ACIN1: variants seen among roughly 807,000 people sequenced by gnomAD.
The protein encoded by ACIN1 is apoptotic chromatin condensation inducer in the nucleus.
ACIN1 carries 16 observed loss-of-function variants against 146.6 expected under a neutral mutation model. The ratio of observed to expected loss-of-function variants is 0.11; its 90% CI spans 0.07 to 0.17. The LOEUF (loss-of-function observed/expected upper bound fraction) is 0.17. Ranked by LOEUF, ACIN1 falls within the 10% of genes least tolerant of loss-of-function variation. The pLI is 1.00. For synonymous variants in ACIN1, 569 were observed against 582.7 expected (o/e 0.98, Z 0.34); for missense variants, 1,357 against 1,609.3 (o/e 0.84, Z 2.68).
At chr14:23,063,372 C>T in intron 13 of ACIN1, 64 bp downstream of exon 13, 1 of 1,565,486 alleles carries the variant, frequency 6.4e-7, no homozygotes, top group East Asian at 2.3e-5. Context: ...TTTCAGCGAT[C>T]CAAATGAGGT....
chr14:23,076,054 GC>G (rs1221626539), intron 8 of ACIN1, among the ~76,000 whole-genome samples: 2 of 152,158 alleles, frequency 1.3e-5, no homozygotes, highest in African/African-American at 2.4e-5. Flanking sequence ...TTCAAAATTG[GC>G]CAGAGCTCTA....
intron 4 of ACIN1, among the ~76,000 whole-genome samples, chr14:23,088,320 A>G (rs1046094964): frequency 8.5e-5 from 13 of 152,206 alleles, no homozygotes; most frequent in African/African-American, 2.9e-4. Flanking sequence ...AAGGAACTTA[A>G]TAATTCCAAA....
At chr14:23,084,232 C>T (rs1319466463) in intron 4 of ACIN1, among the ~76,000 whole-genome samples, 1 of 152,188 alleles carries the variant, frequency 6.6e-6, no homozygotes, top group Non-Finnish European at 1.5e-5. Context: ...CAGGTGTAAG[C>T]CACCATGCCC....
Position 23,070,036 on chromosome 14 carries a change from A to G in ACIN1, c.2124-419T>C, listed in dbSNP as rs369909912. Among the ~76,000 whole-genome samples the G allele has an allele frequency of 2.0e-5, 3 of 152,174 alleles. No homozygotes were observed. The East Asian group carries it at 5.8e-4, about 29-fold the overall frequency. Reference sequence around the variant, plus strand: ...TGGCCAAAGGCACCTTTATATGGCAAAATTGCACGAGAAACGAAGGGAAGC... The same window carrying G: ...TGGCCAAAGGCACCTTTATATGGCAGAATTGCACGAGAAACGAAGGGAAGC... On this transcript the variant is annotated intron_variant, in intron 8 of 18. Transcript: ENST00000605057.
chr14:23,089,802 A>G (rs530313612), intron 4 of ACIN1, among the ~76,000 whole-genome samples, 180 bp downstream of exon 4: 4 of 152,360 alleles, frequency 2.6e-5, no homozygotes, highest in Admixed American at 2.6e-4. Flanking sequence ...AACACAATAT[A>G]TAGGTGAAAG....
In ACIN1 at chr14:23,067,237, A is replaced by G. The variant is rs1481016932; in HGVS notation, c.2266-1229T>C. On this transcript the variant is annotated intron_variant, in intron 9 of 18. Transcript: ENST00000605057. This position sits in a 1 kb window ranked among gnomAD's most constrained non-coding sequence, Gnocchi z 4.6. ...AAGATATAGAAAAAAATAAAATAAAATATTAAAAAAAGAAGAAGAAAATAA... is the reference window on the plus strand; with the variant it reads ...AAGATATAGAAAAAAATAAAATAAAGTATTAAAAAAAGAAGAAGAAAATAA... 2 of 864,028 alleles carry G rather than the reference A, an allele frequency of 2.3e-6. No individual in the cohort carries two copies. The highest frequency in any genetic ancestry group is 1.8e-5 in the African/African-American group (1 of 54,828). 53.5% of individuals were successfully genotyped at this position (864,028 alleles called of 1,614,324 possible).
At chr14:23,073,674 T>A (rs189759905) in intron 8 of ACIN1, among the ~76,000 whole-genome samples, 106 of 151,910 alleles carry the variant, frequency 7.0e-4, no homozygotes, top group East Asian at 4.5e-3. Flanking sequence ...AAGAAAAAAA[T>A]TTTTTTAATA....
At position 23,061,507 on chromosome 14, in the gene ACIN1, T is replaced by C. The variant is rs1301712336; in HGVS notation, c.3215A>G (p.His1072Arg). The C allele has an allele frequency of 1.6e-6, 2 of 1,277,312 alleles. No homozygotes were observed. Among genetic ancestry groups the C allele is most frequent in the Admixed American group, 4.3e-5 (2 of 46,816 alleles). 79.1% of individuals were successfully genotyped at this position (1,277,312 alleles called of 1,614,324 possible). ...PPPPPVQPPQ[H>R]PRAEQREQER... ...CTGCTCCCGCTGCTCTGCCCGGGGGTGCTGTGGTGGCTGGACCGGGGGTGG... is the reference window on the plus strand; with the variant it reads ...CTGCTCCCGCTGCTCTGCCCGGGGGCGCTGTGGTGGCTGGACCGGGGGTGG... Residue 1072 changes from histidine to arginine, a missense_variant, in exon 17 of 19, where the codon CAC becomes CGC. By Grantham distance (29) the His-to-Arg change is conservative (BLOSUM62 0). Coordinates refer to ENST00000605057, the MANE Select transcript of ACIN1 (RefSeq NM_001386863.1).
chr14:23,075,582 T>C (rs950000935), intron 8 of ACIN1, among the ~76,000 whole-genome samples: 3 of 148,546 alleles, frequency 2.0e-5, no homozygotes, highest in African/African-American at 7.5e-5. Flanking sequence ...CTCTTCCAAA[T>C]GGTGACAGGT....
rs2048338328 is a variant in ACIN1 at position 23,094,976 on chromosome 14, C to G, written c.137G>C (p.Gly46Ala). 1.3e-6 allele frequency: 2 copies of G among 1,598,364 alleles called. No individual in the cohort carries two copies. The highest frequency in any genetic ancestry group is 1.1e-5 in the South Asian group (1 of 90,418). Residue 46 changes from glycine (G) to alanine (A), a missense_variant and splice_region_variant, in exon 1 of 19, where the codon GGG becomes GCG. Gly to Ala is a moderately conservative substitution (Grantham distance 60). Coordinates refer to ENST00000605057, the MANE Select transcript of ACIN1 (RefSeq NM_001386863.1). ...QKSALVKRLK[G>A]ALMLENLQKH... is the part of the protein sequence containing the mutation. ...ACCCCAGCAACGCCGACTCCTCACC[C>G]CTTTGAGCCGCTTGACCAGGGCACT...
chr14:23,071,129 C>G, intron 8 of ACIN1: 1 of 1,551,712 alleles, frequency 6.4e-7, no homozygotes, highest in South Asian at 1.2e-5. Flanking sequence ...TCTCACCCTT[C>G]TTTGCTTTCT....
upstream of ACIN1, chr14:23,095,231 C>T (rs772134484): frequency 1.2e-5 from 20 of 1,611,914 alleles, no homozygotes; most frequent in Non-Finnish European, 1.6e-5. Context: ...CCCTCGATTA[C>T]CACTCAGAAC....
chr14:23,073,478 G>A (rs773711949), intron 8 of ACIN1, among the ~76,000 whole-genome samples: 1 of 152,152 alleles, frequency 6.6e-6, no homozygotes. Context: ...GACCAACATG[G>A]AGAAACCCTG....
rs1332191924 is a variant in ACIN1 at position 23,067,740 on chromosome 14, A to C, written c.2266-1732T>G. The C allele has an allele frequency of 1.0e-6, 1 of 985,838 alleles. No homozygotes were observed. The highest frequency in any genetic ancestry group is 1.2e-6 in the Non-Finnish European group (1 of 830,054). 61.1% of individuals were successfully genotyped at this position (985,838 alleles called of 1,614,324 possible). ...CCTATGTCCACCAGTGGCAAGCTGC[A>C]GCAATAACACCACCCAATACTTGGA... On this transcript the variant is annotated intron_variant, in intron 9 of 18. Coordinates refer to ENST00000605057, the MANE Select transcript of ACIN1 (RefSeq NM_001386863.1). This position sits in a 1 kb window ranked among gnomAD's most constrained non-coding sequence, Gnocchi z 4.6.
intron 10 of ACIN1, 86 bp from the exon 11 acceptor site, chr14:23,064,574 T>G: frequency 6.6e-7 from 1 of 1,522,862 alleles, no homozygotes; most frequent in Admixed American, 2.0e-5. Flanking sequence ...TACCTCTGGC[T>G]GGAGTTTTGG....
chr14:23,071,534 C>G, intron 8 of ACIN1: 2 of 1,551,172 alleles, frequency 1.3e-6, no homozygotes, highest in African/African-American at 1.4e-5. Flanking sequence ...AGCGATCAGC[C>G]GGAGACATGC....
At position 23,079,730 on chromosome 14, in the gene ACIN1, A is replaced by G. The variant is rs138143543; in HGVS notation, c.1605T>C (p.Ser535=). 2.4e-4 allele frequency: 384 copies of G among 1,614,024 alleles called. No individual in the cohort carries two copies. Among genetic ancestry groups the G allele is most frequent in the Non-Finnish European group, 2.7e-4 (323 of 1,180,032 alleles). ...GAGAACCTGAACTGTCAGGAGAGCG[A>G]GATCTTGATCTAGAACTGGAGGAGG... is the stretch of plus-strand genomic sequence containing the variant. ...SSSSSSSRSR[S]RSPDSSGSRS... is the part of the protein sequence containing the mutation. Residue 535 remains serine (S), a synonymous_variant, in exon 6 of 19, where the codon TCT becomes TCC. Coordinates refer to ENST00000605057, the MANE Select transcript of ACIN1 (RefSeq NM_001386863.1).
At chr14:23,082,367 A>G (rs950128912) in intron 4 of ACIN1, among the ~76,000 whole-genome samples, 5 of 151,794 alleles carry the variant, frequency 3.3e-5, no homozygotes, top group African/African-American at 1.2e-4. Flanking sequence ...TCCTGAAATT[A>G]CTTCAAGCCA....
At position 23,066,002 on chromosome 14, in the gene ACIN1, G is replaced by A; in HGVS notation, c.2272C>T (p.Leu758=). 1.2e-6 allele frequency: 2 copies of A among 1,613,696 alleles called. No individual in the cohort carries two copies. The highest frequency in any genetic ancestry group is 2.2e-5 in the South Asian group (2 of 91,056). The stretch of plus-strand genomic sequence containing the variant: ...ATCTTCCTCTTGAATGATTTGGGCA[G>A]CGAGCTCTGTATGAAGAAGAAAAAG... ...VEDEEKKESS[L]PKSFKRKISV... is the part of the protein sequence containing the mutation. Residue 758 remains leucine (L), a synonymous_variant, in exon 10 of 19, where the codon CTG becomes TTG. Transcript: ENST00000605057.
Sources: allele counts gnomAD v4.1 joint callset (sites outside exome capture counted in the v4.1 genomes callset), GRCh38; gene constraint gnomAD v4.1.1; non-coding constraint Gnocchi (gnomAD v3.1); transcripts MANE v1.5; gene names NCBI Gene and HGNC (gene_info 2026-07-23, HGNC 2026-07-21).